The following PCDH11X variants were observed in gnomAD, a reference collection of about 807,000 sequenced individuals.
PCDH11X encodes the protein protocadherin-11 X-linked.
A neutral mutation model predicts 53.3 loss-of-function variants in PCDH11X; 18 were observed. That is an observed-to-expected ratio of 0.34 (90% CI 0.23 to 0.50). The LOEUF (loss-of-function observed/expected upper bound fraction) is 0.50. Ranked by LOEUF, PCDH11X falls within the 20% of genes least tolerant of loss-of-function variation. PCDH11X has a pLI of 0.98. For missense variants in PCDH11X, 570 were observed against 1,032.4 expected (o/e 0.55, Z 6.14); for synonymous variants, 279 against 393.3 (o/e 0.71, Z 3.44).
intron 7 of PCDH11X, among the ~76,000 whole-genome samples, chrX:92,222,497 G>C (rs747883075): frequency 2.7e-5 from 3 of 111,169 alleles, no homozygotes; most frequent in East Asian, 2.8e-4. Flanking sequence ...AGAGCATCCC[G>C]ATCTCCCTAC....
rs777825266 is a variant in PCDH11X at position 91,877,397 on chromosome X, C to T, written c.1157C>T (p.Thr386Met). The T allele has an allele frequency of 2.2e-5, 27 of 1,204,745 alleles. No individual in the cohort carries two copies. Among genetic ancestry groups the T allele is most frequent in the Admixed American group, 6.7e-5 (3 of 44,893 alleles). ...LNTKIALITV[T>M]DKDADHNGRV... ...ACCAAAATTGCTCTCATAACTGTGA[C>T]GGATAAGGATGCGGACCATAATGGC... The change falls in exon 6 of 11, where the codon ACG becomes ATG. Residue 386 changes from threonine (T) to methionine (M), a missense_variant. Thr to Met is a moderately conservative substitution (Grantham distance 81). Around this residue, in one of 6 missense-constraint regions of PCDH11X, gnomAD observed 226 missense variants for 457.5 expected, o/e 0.49. Transcript: ENST00000682573.
intron 6 of PCDH11X, among the ~76,000 whole-genome samples, chrX:92,196,972 C>T (rs762128090): frequency 4.6e-4 from 51 of 111,279 alleles, no homozygotes; most frequent in Admixed American, 8.6e-4. Flanking sequence ...TTACAAAATG[C>T]CAAGCATTTT....
intron 10 of PCDH11X, among the ~76,000 whole-genome samples, chrX:92,491,247 A>C (rs1042165040): frequency 9.0e-6 from 1 of 111,167 alleles, no homozygotes; most frequent in Admixed American, 9.6e-5. Context: ...AAGAGAATGC[A>C]TACTACATAA....
Position 92,148,173 on chromosome X carries a change from C to CTTCTTTCT in PCDH11X, c.3034-53173_3034-53166dup, listed in dbSNP as rs1260262520. On this transcript the variant is annotated intron_variant, in intron 6 of 10. Coordinates refer to ENST00000682573, the MANE Select transcript of PCDH11X (RefSeq NM_032968.5). ...CCTTCCTTCCTTCCTTCCTTCCTTC[C>CTTCTTTCT]TTCTTTCTTTCTTTCTTTCTTTCTT... Among the ~76,000 whole-genome samples, 31 of 8,383 alleles carry CTTCTTTCT rather than the reference C, an allele frequency of 3.7e-3. 3 individuals carry two copies. The highest frequency in any genetic ancestry group is 0.012 in the Admixed American group (5 of 414). The allele number at this position is 8,383 out of a possible 115,157, so 7.3% of individuals were successfully genotyped here.
chrX:92,506,638 T>A (rs1266228071), intron 10 of PCDH11X, among the ~76,000 whole-genome samples: 2 of 60,646 alleles, frequency 3.3e-5, no homozygotes, highest in Non-Finnish European at 8.0e-5. Flanking sequence ...GTTTGCTAGT[T>A]TTTTTTTTTT....
intron 10 of PCDH11X, among the ~76,000 whole-genome samples, chrX:92,565,790 T>C (rs1040193974): frequency 3.8e-5 from 4 of 104,035 alleles, no homozygotes; most frequent in African/African-American, 1.4e-4. Flanking sequence ...TGAAATAGTA[T>C]AATTGGATTG....
At chrX:91,904,032 G>C (rs1309454995) in intron 6 of PCDH11X, among the ~76,000 whole-genome samples, 6 of 109,844 alleles carry the variant, frequency 5.5e-5, no homozygotes, top group African/African-American at 2.0e-4. Context: ...AGGAGTTGAG[G>C]AGATGGAGAA....
intron 8 of PCDH11X, among the ~76,000 whole-genome samples, chrX:92,373,583 A>G (rs1031676581): frequency 9.0e-6 from 1 of 111,596 alleles, no homozygotes; most frequent in African/African-American, 3.3e-5. Context: ...CCTTCACTGC[A>G]TTAGATTTCA....
intron 9 of PCDH11X, among the ~76,000 whole-genome samples, chrX:92,440,209 T>C (rs893516668): frequency 9.2e-6 from 1 of 108,747 alleles, no homozygotes; most frequent in Non-Finnish European, 1.9e-5. Flanking sequence ...ATGTGCAGTA[T>C]GTTACCTGGG....
At chrX:91,791,120 T>C (rs969357906) in intron 1 of PCDH11X, among the ~76,000 whole-genome samples, 3 of 107,793 alleles carry the variant, frequency 2.8e-5, no homozygotes, top group African/African-American at 1.0e-4. Flanking sequence ...TAAATGAACT[T>C]GAGTGTCTGC....
intron 5 of PCDH11X, among the ~76,000 whole-genome samples, chrX:91,838,611 T>C (rs1937388691): frequency 9.1e-6 from 1 of 109,992 alleles, no homozygotes. Context: ...AAAAGAAGCA[T>C]GTGTTGATTC....
intron 6 of PCDH11X, among the ~76,000 whole-genome samples, chrX:92,002,927 T>C (rs1201857865): frequency 9.9e-6 from 1 of 100,802 alleles, no homozygotes; most frequent in South Asian, 5.1e-4. Context: ...CAGTGCTATG[T>C]TGAATAACAG....
intron 6 of PCDH11X, among the ~76,000 whole-genome samples, chrX:92,069,981 C>A (rs1438603304): frequency 9.0e-6 from 1 of 111,353 alleles, no homozygotes; most frequent in Non-Finnish European, 1.9e-5. Context: ...CCACAGCAAC[C>A]AACCTGATTT....
chrX:92,450,300 TG>T (rs754862779), intron 9 of PCDH11X, among the ~76,000 whole-genome samples: 135 of 107,759 alleles, frequency 1.3e-3, no homozygotes, highest in Non-Finnish European at 2.2e-3. Context: ...AGAGGTAAGA[TG>T]GTTCATCAAA....
intron 6 of PCDH11X, among the ~76,000 whole-genome samples, chrX:91,887,068 C>A (rs1425326511): frequency 2.4e-4 from 26 of 107,019 alleles, no homozygotes; most frequent in Middle Eastern, 4.4e-3. Context: ...TATTTACTAA[C>A]CTTGTCATTT....
intron 1 of PCDH11X, among the ~76,000 whole-genome samples, chrX:91,808,302 C>T (rs1304356431): frequency 1.9e-5 from 2 of 107,651 alleles, no homozygotes; most frequent in East Asian, 5.9e-4. Context: ...CGAGACCAGC[C>T]TGGCCAACAC....
intron 6 of PCDH11X, among the ~76,000 whole-genome samples, chrX:92,178,849 TG>T (rs1460820801): frequency 2.7e-5 from 3 of 111,985 alleles, no homozygotes; most frequent in African/African-American, 9.7e-5. Flanking sequence ...AATATTTTTT[TG>T]TTTCAAATCT....
At chrX:92,232,108 T>C (rs2067085498) in intron 7 of PCDH11X, among the ~76,000 whole-genome samples, 3 of 112,314 alleles carry the variant, frequency 2.7e-5, no homozygotes, top group Non-Finnish European at 5.6e-5. Context: ...TCTTGAGATA[T>C]ATTGCAGCCA....
intron 6 of PCDH11X, among the ~76,000 whole-genome samples, chrX:92,016,533 A>G (rs1456469541): frequency 1.8e-5 from 2 of 110,672 alleles, no homozygotes; most frequent in African/African-American, 6.6e-5. Context: ...CTGCACTTTT[A>G]TATTATGGAG....
Sources: gnomAD v4.1 joint callset for allele counts (sites outside exome capture counted in the v4.1 genomes callset) on GRCh38, gnomAD v4.1.1 for gene constraint, gnomAD v4.1.1 regional missense constraint, MANE v1.5 for transcripts, NCBI Gene and HGNC (gene_info 2026-07-23, HGNC 2026-07-21) for gene names.